Variants in RBM33 observed in about 807,000 individuals in gnomAD.
RBM33 encodes RNA-binding protein 33.
A neutral mutation model predicts 132.6 loss-of-function variants in RBM33; 28 were observed. That is an observed-to-expected ratio of 0.21 (90% confidence interval 0.16 to 0.29). The LOEUF (loss-of-function observed/expected upper bound fraction) is 0.29. RBM33 is among the 10% of genes least tolerant of loss of function. The pLI, the probability that RBM33 is intolerant of heterozygous loss-of-function variation, is 1.00. For missense variants in RBM33, 1,291 were observed against 1,518.5 expected (o/e 0.85, Z 2.49); for synonymous variants, 634 against 593.0 (o/e 1.07, Z -1.01).
rs1802655518 is a variant in RBM33, at chr7:155,777,536, T to G, written c.*2495T>G. 6.6e-6 allele frequency: 1 copy of G among 152,320 alleles called. No individual in the cohort carries two copies. Among genetic ancestry groups the G allele is most frequent in the Non-Finnish European group, 1.5e-5 (1 of 68,040 alleles). The allele number at this position is 152,320 out of a possible 1,614,324, so 9.4% of individuals were successfully genotyped here. A position where few individuals can be genotyped will look rare whatever the true frequency, so the allele number is the denominator to read the frequency against. Reference sequence around the variant, plus strand: ...AATGGTACTTAGGTGTTTGGTATGCTGCTCACGTGAAGTCAGCCCACACCA... The same window carrying G: ...AATGGTACTTAGGTGTTTGGTATGCGGCTCACGTGAAGTCAGCCCACACCA... On this transcript the variant is annotated 3_prime_UTR_variant, in exon 18 of 18. Coordinates refer to ENST00000401878, the MANE Select transcript of RBM33 (RefSeq NM_053043.3).
At position 155,650,321 on chromosome 7, in the gene RBM33, C is replaced by A. The variant is rs183334392; in HGVS notation, c.43+5402C>A. 3.3e-5 allele frequency among the ~76,000 whole-genome samples: 5 copies of A among 152,288 alleles called. No individual in the cohort carries two copies. The East Asian group carries it at 7.7e-4, about 23-fold the overall frequency. On this transcript the variant is annotated intron_variant, in intron 1 of 17. Transcript: ENST00000401878. ...GCACCAGGAGCACTGACTGCCATCC[C>A]CAGTGCTGCCTCTGAGCTGTGAAAC...
intron 8 of RBM33, among the ~76,000 whole-genome samples, chr7:155,717,828 TATAAACTAAA>T (rs1407253493): frequency 6.6e-6 from 1 of 152,224 alleles, no homozygotes; most frequent in Non-Finnish European, 1.5e-5. Context: ...CCTGCTTGTT[TATAAACTAAA>T]GTAAACTAAA....
Position 155,706,910 on chromosome 7 carries a change from C to T in RBM33, c.790C>T (p.Arg264Ter). The change falls in exon 7 of 18, where the codon CGA becomes TGA. Residue 264 changes from arginine to a stop codon, truncating the protein, a stop_gained. Coordinates refer to ENST00000401878, the MANE Select transcript of RBM33 (RefSeq NM_053043.3). LOFTEE classifies it high-confidence loss of function. Reference protein sequence around the residue: ...AALLEFEERERQHKQGRYSSR... With the variant: ...AALLEFEERE ...ATTGCTTGAATTTGAAGAAAGGGAG[C>T]GACAGCATAAACAAGGACGCTACAG... is the stretch of plus-strand genomic sequence containing the variant. 1 of 1,607,058 alleles carries T rather than the reference C, an allele frequency of 6.2e-7. No homozygotes were observed. The highest frequency in any genetic ancestry group is 8.5e-7 in the Non-Finnish European group (1 of 1,176,962).
chr7:155,662,810 G>A (rs1585407705), intron 1 of RBM33, among the ~76,000 whole-genome samples: 2 of 152,276 alleles, frequency 1.3e-5, no homozygotes, highest in South Asian at 2.1e-4. Flanking sequence ...ATGGGTAGGT[G>A]GGGGTGGGAT....
intron 1 of RBM33, among the ~76,000 whole-genome samples, chr7:155,646,149 G>A (rs545867893): frequency 2.0e-5 from 3 of 152,124 alleles, no homozygotes; most frequent in Non-Finnish European, 4.4e-5. Flanking sequence ...AAAGACTAAG[G>A]TGTTATTTGT....
At chr7:155,739,532 T>C (rs535056267) in intron 11 of RBM33, 183 bp from the exon 12 acceptor site, 51 of 636,330 alleles carry the variant, frequency 8.0e-5, no homozygotes, top group Non-Finnish European at 1.2e-4. Context: ...AAATTTAAGG[T>C]AATAGCTTCT....
chr7:155,656,624 A>C (rs1393106056), intron 1 of RBM33, among the ~76,000 whole-genome samples: 1 of 152,244 alleles, frequency 6.6e-6, no homozygotes, highest in Non-Finnish European at 1.5e-5. Flanking sequence ...ATCTCACAAG[A>C]GATTGAATGC....
intron 5 of RBM33, among the ~76,000 whole-genome samples, chr7:155,686,939 T>C (rs187756696): frequency 3.5e-3 from 529 of 152,358 alleles, no homozygotes; most frequent in African/African-American, 0.01. Flanking sequence ...TCAGTAAACA[T>C]ACATGTGCAT....
In RBM33 at chr7:155,777,709, G is replaced by T. The variant is rs1427317459; in HGVS notation, c.*2668G>T. 1 of 152,608 alleles carries T rather than the reference G, an allele frequency of 6.6e-6. No individual in the cohort carries two copies. Among genetic ancestry groups the T allele is most frequent in the Non-Finnish European group, 1.5e-5 (1 of 68,032 alleles). 9.5% of individuals were successfully genotyped at this position (152,608 alleles called of 1,614,324 possible). A position where few individuals can be genotyped will look rare whatever the true frequency, so the allele number is the denominator to read the frequency against. On this transcript the variant is annotated 3_prime_UTR_variant, in exon 18 of 18. Transcript: ENST00000401878. ...TACTATTGGAAGTGCTTTCAACTCA[G>T]CCACATCTTAGCTATTAGTTCTTTG...
intron 5 of RBM33, among the ~76,000 whole-genome samples, chr7:155,697,657 T>C (rs1358063899): frequency 2.0e-5 from 3 of 152,160 alleles, no homozygotes; most frequent in South Asian, 4.1e-4. Flanking sequence ...GGATAGAATA[T>C]TGAATTTTCT....
chr7:155,699,350 A>C (rs1409525433), intron 5 of RBM33, among the ~76,000 whole-genome samples: 2 of 152,198 alleles, frequency 1.3e-5, no homozygotes, highest in African/African-American at 2.4e-5. Context: ...CTGCTTTTCA[A>C]CATGATTCCC....
chr7:155,710,525 T>G (rs750904751), intron 7 of RBM33, among the ~76,000 whole-genome samples: 2 of 152,222 alleles, frequency 1.3e-5, no homozygotes, highest in Non-Finnish European at 2.9e-5. Flanking sequence ...CTGATCACTT[T>G]GAGTGTGTAA....
chr7:155,688,786 T>C (rs1035289972), intron 5 of RBM33, among the ~76,000 whole-genome samples: 1 of 152,236 alleles, frequency 6.6e-6, no homozygotes, highest in African/African-American at 2.4e-5. Flanking sequence ...TTTATTAATT[T>C]GCGTATGTTG....
chr7:155,765,276 TACTC>T (rs1205666731), intron 15 of RBM33, among the ~76,000 whole-genome samples: 4 of 152,240 alleles, frequency 2.6e-5, no homozygotes, highest in African/African-American at 9.6e-5. Context: ...TATCATAACT[TACTC>T]TAGTTAGAAC....
chr7:155,665,481 T>G (rs1306576122), intron 2 of RBM33, among the ~76,000 whole-genome samples: 2 of 152,254 alleles, frequency 1.3e-5, no homozygotes, highest in Admixed American at 6.5e-5. Flanking sequence ...TCATAGGTCT[T>G]CTGTCCTTTT....
chr7:155,718,691 A>G (rs1038437683), intron 9 of RBM33, among the ~76,000 whole-genome samples: 1 of 152,222 alleles, frequency 6.6e-6, no homozygotes, highest in Admixed American at 6.5e-5. Context: ...GTTCGTCTTA[A>G]AGAATATGAA....
At chr7:155,658,111 T>C (rs949850383) in intron 1 of RBM33, among the ~76,000 whole-genome samples, 2 of 152,218 alleles carry the variant, frequency 1.3e-5, no homozygotes, top group Non-Finnish European at 2.9e-5. Context: ...TTCATTTTTG[T>C]CAACATTTGC....
chr7:155,745,706 G>C lies in RBM33; in HGVS notation c.2979+104G>C. 4 of 1,163,164 alleles carry C rather than the reference G, an allele frequency of 3.4e-6. No homozygotes were observed. The highest frequency in any genetic ancestry group is 4.8e-6 in the Non-Finnish European group (4 of 839,112). 72.1% of individuals were successfully genotyped at this position (1,163,164 alleles called of 1,614,324 possible). On this transcript the variant is annotated intron_variant, in intron 14 of 17. Transcript: ENST00000401878. The surrounding 1 kb of genome is among the most constrained non-coding windows in gnomAD (Gnocchi z 4.1). ...GAAGAAAGAATTAAAAGTTACCTCT[G>C]TTATAGTCTTGTAACCAATCTCTAC...
chr7:155,687,852 A>G (rs2116935053), intron 5 of RBM33, among the ~76,000 whole-genome samples: 1 of 152,326 alleles, frequency 6.6e-6, no homozygotes, highest in African/African-American at 2.4e-5. Context: ...TTTTGGTACC[A>G]GTACCATGCT....
Sources: allele counts gnomAD v4.1 joint callset (sites outside exome capture counted in the v4.1 genomes callset), GRCh38; gene constraint gnomAD v4.1.1; non-coding constraint Gnocchi (gnomAD v3.1); transcripts MANE v1.5; gene names NCBI Gene and HGNC (gene_info 2026-07-23, HGNC 2026-07-21).